WDR7: variants seen among roughly 807,000 people sequenced by gnomAD.
WDR7 encodes WD repeat domain 7, also known as WD repeat-containing protein 7.
WDR7 carries 46 observed loss-of-function variants against 169.4 expected under a neutral mutation model. The observed-to-expected ratio is 0.27, with a 90% CI of 0.21 to 0.35. The LOEUF (loss-of-function observed/expected upper bound fraction) is 0.35. Among genes scored for constraint, WDR7 ranks in the 10% least tolerant of loss-of-function variants. WDR7 has a pLI of 1.00. For synonymous variants in WDR7, 612 were observed against 666.8 expected (o/e 0.92, Z 1.27); for missense variants, 1,534 against 1,859.3 (o/e 0.83, Z 3.22).
intron 12 of WDR7, among the ~76,000 whole-genome samples, chr18:56,712,645 C>G (rs1379338148): frequency 6.6e-6 from 1 of 152,132 alleles, no homozygotes; most frequent in African/African-American, 2.4e-5. Flanking sequence ...GTGTTTGGAA[C>G]ATGAATTTGA....
At chr18:56,689,955 G>C (rs1427129550) in intron 7 of WDR7, among the ~76,000 whole-genome samples, 1 of 152,016 alleles carries the variant, frequency 6.6e-6, no homozygotes, top group African/African-American at 2.4e-5. Flanking sequence ...AATGCAGCTA[G>C]GATGTGTTCT....
chr18:57,036,560 A>G, the WDR7 span: 47,196 of 152,224 alleles, frequency 0.31, 8,408 homozygotes, highest in East Asian at 0.5. Context: ...TCCTTCACAC[A>G]GATGTTGATC....
chr18:56,994,563 T>C (rs1454419369), intron 26 of WDR7, among the ~76,000 whole-genome samples: 1 of 152,234 alleles, frequency 6.6e-6, no homozygotes. Flanking sequence ...TTTTCTCTCC[T>C]AAAGTTTTCC....
chr18:56,812,085 C>T (rs1021984497), intron 19 of WDR7, among the ~76,000 whole-genome samples: 4 of 151,998 alleles, frequency 2.6e-5, no homozygotes, highest in Non-Finnish European at 5.9e-5. Context: ...TTGAATCTTC[C>T]GATTCCATGA....
At chr18:56,796,612 G>C (rs558376496) in intron 19 of WDR7, among the ~76,000 whole-genome samples, 3 of 152,258 alleles carry the variant, frequency 2.0e-5, no homozygotes, top group Non-Finnish European at 4.4e-5. Flanking sequence ...TAAAAATGAG[G>C]TGTCACTATC....
At chr18:56,857,282 C>G (rs1008318398) in intron 20 of WDR7, among the ~76,000 whole-genome samples, 33 of 152,080 alleles carry the variant, frequency 2.2e-4, no homozygotes, top group African/African-American at 7.5e-4. Context: ...TTTTTCGAAG[C>G]AGGGTCTCTC....
In WDR7 at chr18:57,019,033, A is replaced by G. The variant is rs188766482; in HGVS notation, c.4165-1712A>G. ...ATTAGTACATTTATGGGCCAGCATCATGAGTAATCACATCTATTTCATCAA... is the reference window on the plus strand; with the variant it reads ...ATTAGTACATTTATGGGCCAGCATCGTGAGTAATCACATCTATTTCATCAA... On this transcript the variant is annotated intron_variant, in intron 26 of 27. Transcript: ENST00000254442. Among the ~76,000 whole-genome samples the G allele has an allele frequency of 1.1e-3, 162 of 152,334 alleles. 1 individual carries two copies. The highest frequency in any genetic ancestry group is 1.7e-3 in the Non-Finnish European group (117 of 68,034).
intron 19 of WDR7, among the ~76,000 whole-genome samples, chr18:56,796,650 G>C (rs953151100): frequency 6.6e-6 from 1 of 152,094 alleles, no homozygotes; most frequent in South Asian, 2.1e-4. Context: ...CAAGTTTGCA[G>C]GTGCTCAGTA....
intron 20 of WDR7, among the ~76,000 whole-genome samples, chr18:56,828,948 T>G (rs2045260630): frequency 6.6e-6 from 1 of 151,942 alleles, no homozygotes; most frequent in African/African-American, 2.4e-5. Context: ...TATATAAACC[T>G]TATAAAACCT....
chr18:57,011,525 A>G (rs1406518809), intron 26 of WDR7, among the ~76,000 whole-genome samples: 1 of 152,238 alleles, frequency 6.6e-6, no homozygotes, highest in Non-Finnish European at 1.5e-5. Context: ...ATTCTTTTCA[A>G]TTAGATGGTG....
intron 15 of WDR7, 25 bp from the exon 16 acceptor site, chr18:56,758,840 T>C (rs746922345): frequency 1.9e-6 from 3 of 1,556,882 alleles, no homozygotes; most frequent in Non-Finnish European, 2.6e-6. Context: ...AAAATATATC[T>C]TGTATTTTTT....
chr18:56,692,285 A>AT (rs2025588400), intron 9 of WDR7, among the ~76,000 whole-genome samples: 1 of 152,090 alleles, frequency 6.6e-6, no homozygotes, highest in Non-Finnish European at 1.5e-5. Context: ...AGAATAAAAC[A>AT]TTTTTTCTCT....
intron 26 of WDR7, among the ~76,000 whole-genome samples, chr18:56,973,983 C>T (rs1214282715): frequency 6.6e-6 from 1 of 152,138 alleles, no homozygotes; most frequent in Admixed American, 6.5e-5. Flanking sequence ...TCTTATTTCC[C>T]ATCTCTTTTA....
chr18:56,785,830 CTTT>C (rs112540201), intron 19 of WDR7, among the ~76,000 whole-genome samples: 5 of 139,772 alleles, frequency 3.6e-5, no homozygotes, highest in Admixed American at 7.2e-5. Context: ...TTTTCTTTTT[CTTT>C]TTTTTTTTTT....
chr18:56,874,536 A>G (rs1023920361), intron 20 of WDR7, among the ~76,000 whole-genome samples: 9 of 152,134 alleles, frequency 5.9e-5, no homozygotes, highest in African/African-American at 2.2e-4. Flanking sequence ...AATATGATTT[A>G]TCATGACAAA....
intron 22 of WDR7, 146 bp downstream of exon 22, chr18:56,924,254 A>G (rs2046772238): frequency 6.4e-6 from 6 of 942,528 alleles, no homozygotes; most frequent in Non-Finnish European, 9.3e-6. Context: ...AGTTTTGAAT[A>G]TGGACAATGA....
At position 56,778,352 on chromosome 18, in the gene WDR7, A is replaced by G. The variant is rs981650675; in HGVS notation, c.2948-1079A>G. Among the ~76,000 whole-genome samples, 7 of 152,308 alleles carry G rather than the reference A, an allele frequency of 4.6e-5. No individual in the cohort carries two copies. In the East Asian group the frequency reaches 7.7e-4, roughly 17 times the overall value. ...CAAAACACTGATTTGCTAAAATTCT[A>G]TCTTCACAGATAATTCATCTTGTAA... On this transcript the variant is annotated intron_variant, in intron 17 of 27. Coordinates refer to ENST00000254442, the MANE Select transcript of WDR7 (RefSeq NM_015285.3).
chr18:56,750,635 A>G (rs1220171135), intron 14 of WDR7, among the ~76,000 whole-genome samples: 1 of 152,162 alleles, frequency 6.6e-6, no homozygotes, highest in Non-Finnish European at 1.5e-5. Flanking sequence ...CTGCTAGAGA[A>G]TTTTCTGGAT....
rs2145607537 is a variant in WDR7 at position 56,913,433 on chromosome 18, G to A, written c.3527-10489G>A. On this transcript the variant is annotated intron_variant, in intron 21 of 27. Coordinates refer to ENST00000254442, the MANE Select transcript of WDR7 (RefSeq NM_015285.3). ...GAGAATCATACTTTCTTTCTGTCATGACTACATCTAATCCCTAAATTAATC... is the reference window on the plus strand; with the variant it reads ...GAGAATCATACTTTCTTTCTGTCATAACTACATCTAATCCCTAAATTAATC... Among the ~76,000 whole-genome samples, 2 of 152,110 alleles carry A rather than the reference G, an allele frequency of 1.3e-5. 1 individual carries two copies. The highest frequency in any genetic ancestry group is 4.1e-4 in the South Asian group (2 of 4,820).
Sources: allele counts gnomAD v4.1 joint callset (sites outside exome capture counted in the v4.1 genomes callset), GRCh38; gene constraint gnomAD v4.1.1; transcripts MANE v1.5; gene names NCBI Gene and HGNC (gene_info 2026-07-23, HGNC 2026-07-21).